Variants in ITGB5 observed in about 807,000 individuals in gnomAD.
ITGB5 encodes integrin subunit beta 5.
A neutral mutation model predicts 84.8 loss-of-function variants in ITGB5; 38 were observed. The observed-to-expected ratio is 0.45, with a 90% CI of 0.35 to 0.59. ITGB5 has a LOEUF of 0.59. ITGB5 is among the 20% of genes least tolerant of loss of function. ITGB5 has a pLI of 0.01. For missense variants in ITGB5, 905 were observed against 1,034.5 expected (o/e 0.87, Z 1.72); for synonymous variants, 393 against 414.4 (o/e 0.95, Z 0.63).
intron 10 of ITGB5, among the ~76,000 whole-genome samples, chr3:124,778,499 C>T (rs2063956863): frequency 6.6e-6 from 1 of 152,190 alleles, no homozygotes; most frequent in African/African-American, 2.4e-5. Context: ...CCAGCATCGA[C>T]GCTCTGTGGA....
intron 5 of ITGB5, among the ~76,000 whole-genome samples, chr3:124,833,362 C>A (rs2064885200): frequency 6.6e-6 from 1 of 152,194 alleles, no homozygotes; most frequent in African/African-American, 2.4e-5. Flanking sequence ...CAAATATCAT[C>A]AATAAATATC....
Position 124,796,799 on chromosome 3 carries a change from A to C in ITGB5, c.1282T>G (p.Leu428Val), listed in dbSNP as rs2291090. 0.037 allele frequency: 59,428 copies of C among 1,604,790 alleles called. 1,521 individuals carry two copies. The highest frequency in any genetic ancestry group is 0.092 in the South Asian group (8,267 of 90,068). ...CTGCTGGGACAGCTTCGGGCCTCCA[A>C]TGATACTTCAAAAGATGCCTGGGCA... Reference protein sequence around the residue: ...IGDTASFEVSLEARSCPSRHT... With the variant: ...IGDTASFEVSVEARSCPSRHT... Residue 428 changes from leucine (L) to valine (V), a missense_variant, in exon 10 of 15, where the codon TTG (leucine) becomes GTG (valine). Leu to Val is a conservative substitution (Grantham distance 32). This residue lies in a region of ITGB5 where 656 missense variants were observed against 734.7 expected (regional missense o/e 0.89). Transcript: ENST00000296181.
intron 3 of ITGB5, among the ~76,000 whole-genome samples, chr3:124,852,303 T>G: frequency 6.6e-6 from 1 of 152,094 alleles, no homozygotes. Context: ...GCTATATCCC[T>G]TCTCTCTGGG....
At chr3:124,783,310 AAAAGAGAG>A (rs1334011705) in intron 10 of ITGB5, among the ~76,000 whole-genome samples, 2 of 148,678 alleles carry the variant, frequency 1.3e-5, no homozygotes, top group Middle Eastern at 3.4e-3. Flanking sequence ...AAAAAAAAAA[AAAAGAGAG>A]AGAGAGAGAT....
intron 7 of ITGB5, among the ~76,000 whole-genome samples, chr3:124,819,315 G>C (rs1280917937): frequency 6.6e-6 from 1 of 152,220 alleles, no homozygotes; most frequent in Non-Finnish European, 1.5e-5. Context: ...TTCTGCGCCA[G>C]ACTAGCCCAC....
intron 2 of ITGB5, among the ~76,000 whole-genome samples, chr3:124,869,449 G>A (rs1051725432): frequency 1.3e-5 from 2 of 152,212 alleles, no homozygotes; most frequent in East Asian, 1.9e-4. Context: ...GGTGGCACGC[G>A]CCTGTAATCC....
upstream of ITGB5, among the ~76,000 whole-genome samples, chr3:124,889,411 G>C (rs1225004790): frequency 1.3e-5 from 2 of 152,160 alleles, no homozygotes; most frequent in Non-Finnish European, 2.9e-5. Context: ...TACACATATT[G>C]ATTGATGTCT....
intron 9 of ITGB5, among the ~76,000 whole-genome samples, chr3:124,807,934 T>A (rs1295817325): frequency 1.1e-5 from 1 of 88,150 alleles, no homozygotes; most frequent in Non-Finnish European, 2.1e-5. Context: ...AGAGCGAGAC[T>A]TCATCTCAAA....
chr3:124,787,392 T>C (rs2064097149), intron 10 of ITGB5: 1 of 152,138 alleles, frequency 6.6e-6, no homozygotes, highest in Non-Finnish European at 1.5e-5. Context: ...CTCTGTTTTT[T>C]GTCTTTCAAG....
chr3:124,856,940 T>C (rs959683531), intron 3 of ITGB5, among the ~76,000 whole-genome samples: 7 of 152,150 alleles, frequency 4.6e-5, no homozygotes, highest in African/African-American at 1.7e-4. Context: ...CAATTCAGTA[T>C]CTCACTAAAC....
chr3:124,764,920 CCATGAAGCCA>C lies in ITGB5; in HGVS notation c.2138-373_2138-364del, dbSNP rs530419743. Reference sequence around the variant, plus strand: ...GAGCAGACTGGGCAGGCAGGAGGTACCATGAAGCCACATGAAGCCACTTCCACAAGGTCTG... The same window carrying C: ...GAGCAGACTGGGCAGGCAGGAGGTACCATGAAGCCACTTCCACAAGGTCTG... On this transcript the variant is annotated intron_variant, in intron 13 of 14. Transcript: ENST00000296181. 1.8e-3 allele frequency among the ~76,000 whole-genome samples: 273 copies of C among 152,280 alleles called. 1 individual carries two copies. The highest frequency in any genetic ancestry group is 5.5e-3 in the African/African-American group (228 of 41,558).
chr3:124,805,518 C>T (rs1009818961), intron 9 of ITGB5, among the ~76,000 whole-genome samples: 3 of 152,006 alleles, frequency 2.0e-5, no homozygotes, highest in Admixed American at 2.0e-4. Context: ...GTGGTGTGAT[C>T]ATAGCTCACT....
At chr3:124,868,957 C>A (rs1366329857) in intron 2 of ITGB5, among the ~76,000 whole-genome samples, 1 of 152,076 alleles carries the variant, frequency 6.6e-6, no homozygotes, top group Non-Finnish European at 1.5e-5. Flanking sequence ...ATACATGATA[C>A]CTGTGGGAGG....
intron 5 of ITGB5, among the ~76,000 whole-genome samples, chr3:124,826,266 T>C (rs535302962): frequency 1.3e-5 from 2 of 152,300 alleles, no homozygotes; most frequent in African/African-American, 4.8e-5. Flanking sequence ...TTCTTCAGTC[T>C]CCAGTTCCTC....
At chr3:124,865,879 G>C (rs2065381842) in intron 2 of ITGB5, among the ~76,000 whole-genome samples, 1 of 152,128 alleles carries the variant, frequency 6.6e-6, no homozygotes. Flanking sequence ...TTACAACACT[G>C]GTGTTTGCAA....
chr3:124,842,286 TTCTCCTGAAATA>T (rs1250001221), intron 4 of ITGB5, among the ~76,000 whole-genome samples: 2 of 152,256 alleles, frequency 1.3e-5, no homozygotes, highest in Non-Finnish European at 2.9e-5. Flanking sequence ...TACCAAGCCT[TTCTCCTGAAATA>T]TGGGGTGATC....
upstream of ITGB5, among the ~76,000 whole-genome samples, chr3:124,890,354 CCA>C (rs1173454262): frequency 6.6e-6 from 1 of 151,922 alleles, no homozygotes; most frequent in East Asian, 1.9e-4. Context: ...CAGGCGTGTG[CCA>C]CCACACCTGG....
At chr3:124,854,643 A>G (rs1159743718) in intron 3 of ITGB5, among the ~76,000 whole-genome samples, 1 of 152,194 alleles carries the variant, frequency 6.6e-6, no homozygotes, top group Admixed American at 6.5e-5. Flanking sequence ...GTTCACGGGT[A>G]TGGGACTTCT....
chr3:124,814,018 G>T (rs1349235895), intron 8 of ITGB5, among the ~76,000 whole-genome samples: 2 of 152,104 alleles, frequency 1.3e-5, no homozygotes, highest in East Asian at 3.9e-4. Context: ...AATGGTCTTG[G>T]AAACTCTGTG....
Sources: allele counts gnomAD v4.1 joint callset (sites outside exome capture counted in the v4.1 genomes callset), GRCh38; gene constraint gnomAD v4.1.1; regional missense constraint gnomAD v4.1.1; transcripts MANE v1.5; gene names NCBI Gene and HGNC (gene_info 2026-07-23, HGNC 2026-07-21).